Variants in SRBD1 observed in about 807,000 individuals in gnomAD.
SRBD1 encodes S1 RNA binding domain 1.
In SRBD1, 88 loss-of-function variants were observed where a neutral mutation model predicts 115.3. The observed-to-expected ratio is 0.76, with a 90% CI of 0.64 to 0.91. SRBD1 has a LOEUF of 0.91. SRBD1 is among the 40% of genes least tolerant of loss of function. The pLI, the probability that SRBD1 is intolerant of heterozygous loss-of-function variation, is 0.00. For synonymous variants in SRBD1, 509 were observed against 407.7 expected (o/e 1.25, Z -2.99); for missense variants, 1,385 against 1,177.4 (o/e 1.18, Z -2.58).
chr2:45,501,546 G>A (rs933003165), intron 14 of SRBD1, among the ~76,000 whole-genome samples: 2 of 152,184 alleles, frequency 1.3e-5, no homozygotes, highest in Non-Finnish European at 2.9e-5. Context: ...CTAGCCAAGG[G>A]AAGCTGTGAC....
At chr2:45,407,519 G>C (rs1406362656) in intron 19 of SRBD1, among the ~76,000 whole-genome samples, 2 of 152,042 alleles carry the variant, frequency 1.3e-5, no homozygotes, top group Non-Finnish European at 2.9e-5. Context: ...GGAGTTATTA[G>C]GCTCCTTGAG....
intron 9 of SRBD1, among the ~76,000 whole-genome samples, chr2:45,571,624 A>C (rs769432071): frequency 1.3e-5 from 2 of 151,922 alleles, no homozygotes; most frequent in South Asian, 4.1e-4. Flanking sequence ...AATTCAAGAA[A>C]ATCATGAACA....
chr2:45,478,521 G>A (rs3770271), intron 15 of SRBD1, among the ~76,000 whole-genome samples: 5 of 152,060 alleles, frequency 3.3e-5, no homozygotes, highest in East Asian at 1.9e-4. Flanking sequence ...AAGAGACGGG[G>A]ATTCCAAGGC....
At chr2:45,551,024 C>G (rs1672281473) in intron 12 of SRBD1, 101 bp downstream of exon 12, 15 of 1,390,120 alleles carry the variant, frequency 1.1e-5, no homozygotes, top group Non-Finnish European at 1.4e-5. Flanking sequence ...ACTTTTTAAG[C>G]CTTTAAAATT....
intron 15 of SRBD1, among the ~76,000 whole-genome samples, chr2:45,486,425 C>T (rs1016863107): frequency 2.0e-5 from 3 of 151,968 alleles, no homozygotes; most frequent in African/African-American, 7.3e-5. Context: ...GCCTCAGTTT[C>T]CTATTTTAGA....
chr2:45,581,583 A>T (rs1222027878), intron 6 of SRBD1, 110 bp downstream of exon 6: 7 of 725,244 alleles, frequency 9.7e-6, no homozygotes, highest in South Asian at 1.9e-5. Context: ...GCATTAAATA[A>T]TGGTGGCTAA....
At chr2:45,426,450 G>T (rs1458211704) in intron 16 of SRBD1, among the ~76,000 whole-genome samples, 1 of 152,220 alleles carries the variant, frequency 6.6e-6, no homozygotes, top group Non-Finnish European at 1.5e-5. Context: ...GTTCTTGCCT[G>T]CTGGATCTGA....
At chr2:45,508,448 AT>A (rs1451004719) in intron 14 of SRBD1, among the ~76,000 whole-genome samples, 1 of 152,206 alleles carries the variant, frequency 6.6e-6, no homozygotes, top group Admixed American at 6.5e-5. Context: ...CCATTCCAAA[AT>A]AAATTTTAAA....
rs577597697 is a variant in SRBD1 at position 45,396,449 on chromosome 2, C to T, written c.2514-3320G>A. Among the ~76,000 whole-genome samples the T allele has an allele frequency of 2.6e-5, 4 of 152,180 alleles. No individual in the cohort carries two copies. In the South Asian group the frequency reaches 8.3e-4, roughly 32 times the overall value. On this transcript the variant is annotated intron_variant, in intron 19 of 20. Transcript: ENST00000263736. ...CATTTTCTCCACTGTTTTTGGAAGG[C>T]TTTTTCAGGTTGGTAAGGACTGCTG...
At chr2:45,506,802 T>A (rs1330883557) in intron 14 of SRBD1, among the ~76,000 whole-genome samples, 1 of 152,178 alleles carries the variant, frequency 6.6e-6, no homozygotes, top group Non-Finnish European at 1.5e-5. Flanking sequence ...AAATCAAATG[T>A]AAATTAAATA....
chr2:45,395,285 T>C (rs1276367133), intron 19 of SRBD1, among the ~76,000 whole-genome samples: 1 of 152,208 alleles, frequency 6.6e-6, no homozygotes, highest in Non-Finnish European at 1.5e-5. Context: ...TAGCATTTTA[T>C]AATTAATAAA....
At chr2:45,524,069 A>T (rs1671367564) in intron 14 of SRBD1, among the ~76,000 whole-genome samples, 1 of 152,060 alleles carries the variant, frequency 6.6e-6, no homozygotes, top group Non-Finnish European at 1.5e-5. Context: ...ATATGATCGC[A>T]GAAACAAAAA....
intron 8 of SRBD1, 117 bp downstream of exon 8, chr2:45,574,510 A>T: frequency 1.2e-6 from 1 of 850,630 alleles, no homozygotes; most frequent in Non-Finnish European, 1.8e-6. Flanking sequence ...GAGTTTTGCT[A>T]CTTTAAAAAA....
chr2:45,488,100 ACTTT>A (rs1216119431), intron 15 of SRBD1, 136 bp downstream of exon 15: 4 of 686,344 alleles, frequency 5.8e-6, no homozygotes, highest in Middle Eastern at 3.7e-4. Flanking sequence ...CCAATTAACC[ACTTT>A]CTTTCTAATA....
At chr2:45,524,676 T>C (rs967619936) in intron 14 of SRBD1, among the ~76,000 whole-genome samples, 1 of 152,002 alleles carries the variant, frequency 6.6e-6, no homozygotes, top group Non-Finnish European at 1.5e-5. Context: ...CATCAAATGC[T>C]TATGGATTTA....
chr2:45,399,556 T>C (rs1480399016), intron 19 of SRBD1, among the ~76,000 whole-genome samples: 1 of 152,090 alleles, frequency 6.6e-6, no homozygotes, highest in Non-Finnish European at 1.5e-5. Flanking sequence ...CCTGACAACA[T>C]AAGGTAGTAG....
At chr2:45,568,480 C>T (rs967252408) in intron 9 of SRBD1, among the ~76,000 whole-genome samples, 11 of 152,102 alleles carry the variant, frequency 7.2e-5, no homozygotes, top group South Asian at 2.1e-4. Flanking sequence ...ATCATCACTC[C>T]GGCCTGTACA....
chr2:45,496,879 C>T (rs1221165273), intron 14 of SRBD1, among the ~76,000 whole-genome samples: 1 of 152,134 alleles, frequency 6.6e-6, no homozygotes, highest in Non-Finnish European at 1.5e-5. Flanking sequence ...GCAGCCTCAA[C>T]CTTCAAAATT....
At chr2:45,446,315 G>A (rs1250988206) in intron 16 of SRBD1, among the ~76,000 whole-genome samples, 3 of 152,132 alleles carry the variant, frequency 2.0e-5, no homozygotes, top group Non-Finnish European at 4.4e-5. Flanking sequence ...TGTCTTTAAT[G>A]CTGGAACTGC....
Sources: allele counts gnomAD v4.1 joint callset (sites outside exome capture counted in the v4.1 genomes callset), GRCh38; gene constraint gnomAD v4.1.1; transcripts MANE v1.5; gene names NCBI Gene and HGNC (gene_info 2026-07-23, HGNC 2026-07-21).